The following ADGRE5 variants were observed in gnomAD, a reference collection of about 807,000 sequenced individuals.
ADGRE5 encodes CD97 molecule.
In ADGRE5, 72 loss-of-function variants were observed where a neutral mutation model predicts 100.3. That is an observed-to-expected ratio of 0.72 (90% CI 0.59 to 0.87). ADGRE5 has a LOEUF of 0.87. Ranked by LOEUF, ADGRE5 falls within the 40% of genes least tolerant of loss-of-function variation. The pLI is 0.00. For missense variants in ADGRE5, 959 were observed against 1,094.7 expected (o/e 0.88, Z 1.75); for synonymous variants, 439 against 447.8 (o/e 0.98, Z 0.25).
rs144446999 is a variant in ADGRE5, at chr19:14,388,732, C to T, written c.104C>T (p.Ser35Leu). 8.0e-5 allele frequency: 129 copies of T among 1,613,856 alleles called. No homozygotes were observed. Among genetic ancestry groups the T allele is most frequent in the Admixed American group, 2.2e-4 (13 of 60,002 alleles). The change falls in exon 3 of 20, where the codon TCG becomes TTG. Residue 35 changes from serine (S) to leucine (L), a missense_variant. Physicochemically the swap from Ser to Leu is moderately radical, Grantham distance 145. Coordinates refer to ENST00000242786, the MANE Select transcript of ADGRE5 (RefSeq NM_078481.4). ...GCARWCPQNSSCVNATACRCN... is the reference protein window; with the variant it reads ...GCARWCPQNSLCVNATACRCN... ...GCCCGGTGGTGCCCTCAGAACTCCT[C>T]GTGTGTCAATGCCACCGCCTGTCGC...
At chr19:14,404,139 A>G (rs2146373326) in intron 12 of ADGRE5, among the ~76,000 whole-genome samples, 1 of 152,078 alleles carries the variant, frequency 6.6e-6, no homozygotes, top group East Asian at 1.9e-4. Flanking sequence ...TCAGCCTCCC[A>G]AAGTGCTGGG....
In ADGRE5 at chr19:14,402,724, C is replaced by G. The variant is rs1162836481; in HGVS notation, c.1311C>G (p.Val437=). 1 of 1,614,054 alleles carries G rather than the reference C, an allele frequency of 6.2e-7. No homozygotes were observed. Among genetic ancestry groups the G allele is most frequent in the Non-Finnish European group, 8.5e-7 (1 of 1,180,034 alleles). Residue 437 remains valine (V), a synonymous_variant, in exon 12 of 20, where the codon GTC becomes GTG. Coordinates refer to ENST00000242786, the MANE Select transcript of ADGRE5 (RefSeq NM_078481.4). ...TATATGAAAGCAGCATCCGTGGTGT[C>G]CAACTCAGACGCCTCTCTGCCGTCA... The part of the protein sequence containing the change: ...EEIYESSIRG[V]QLRRLSAVNS...
At chr19:14,390,102 G>A (rs1975544068) in intron 3 of ADGRE5, among the ~76,000 whole-genome samples, 1 of 132,928 alleles carries the variant, frequency 7.5e-6, no homozygotes, top group African/African-American at 2.8e-5. Flanking sequence ...AAAAGAACAA[G>A]AGAGAGAGGG....
intron 3 of ADGRE5, among the ~76,000 whole-genome samples, chr19:14,390,007 C>T (rs576749462): frequency 2.7e-5 from 4 of 150,432 alleles, no homozygotes; most frequent in South Asian, 2.1e-4. Context: ...ACCCGGGAGG[C>T]GGAAGTTGCA....
At chr19:14,395,334 G>C (rs894586211) in intron 4 of ADGRE5, among the ~76,000 whole-genome samples, 1 of 151,308 alleles carries the variant, frequency 6.6e-6, no homozygotes, top group Non-Finnish European at 1.5e-5. Flanking sequence ...AACGCACTCA[G>C]AGGGTTGGAT....
intron 1 of ADGRE5, among the ~76,000 whole-genome samples, chr19:14,385,010 CTTTTTTTTT>C (rs56960989): frequency 1.5e-5 from 1 of 68,684 alleles, no homozygotes; most frequent in Non-Finnish European, 2.6e-5. Context: ...GACTCTTGCT[CTTTTTTTTT>C]TTTTTTTTTT....
Position 14,406,515 on chromosome 19 carries a change from T to C in ADGRE5, c.2006T>C (p.Val669Ala), listed in dbSNP as rs1366620919. ...GYGVPLLIVGVSAAIYSKGYG... is the reference protein window; with the variant it reads ...GYGVPLLIVGASAAIYSKGYG... ...GGCGTGCCCCTGCTCATCGTGGGCG[T>C]CTCGGCTGCCATCTACAGCAAGGGC... Residue 669 changes from valine (V) to alanine (A), a missense_variant, in exon 15 of 20, where the codon GTC (valine) becomes GCC (alanine). Physicochemically the swap from Val to Ala is moderately conservative, Grantham distance 64. Transcript: ENST00000242786. The surrounding 1 kb of genome is among the most constrained non-coding windows in gnomAD (Gnocchi z 6.0). 1 of 1,568,518 alleles carries C rather than the reference T, an allele frequency of 6.4e-7. No individual in the cohort carries two copies. The highest frequency in any genetic ancestry group is 2.4e-5 in the East Asian group (1 of 42,304).
Position 14,391,197 on chromosome 19 carries a change from G to A in ADGRE5, c.346+118G>A, listed in dbSNP as rs1156386086. 3 of 1,320,828 alleles carry A rather than the reference G, an allele frequency of 2.3e-6. No homozygotes were observed. In the South Asian group the frequency reaches 4.0e-5, roughly 17 times the overall value. The allele number at this position is 1,320,828 out of a possible 1,614,324, so 81.8% of individuals were successfully genotyped here. The stretch of plus-strand genomic sequence containing the variant: ...TGTAGGGTCAGTGCCTGGCGTCTGA[G>A]ATGGGACAGGTGCACATGTACCTAC... On this transcript the variant is annotated intron_variant, in intron 4 of 19. Transcript: ENST00000242786.
intron 3 of ADGRE5, among the ~76,000 whole-genome samples, chr19:14,389,258 A>G (rs1353526357): frequency 2.0e-4 from 1 of 4,944 alleles, no homozygotes; most frequent in Non-Finnish European, 3.2e-4. Flanking sequence ...ATGGGGAGGG[A>G]GAGGGGGAGG....
rs568383810 is a variant in ADGRE5 at position 14,397,167 on chromosome 19, C to T, written c.569C>T (p.Pro190Leu). ...GGCAGCTATCAGTGCCGCTGCCGCC[C>T]GGGCTGGCAACCGATTCCGGGGTCC... The part of the protein sequence containing the change: ...NVGSYQCRCR[P>L]GWQPIPGSPN... Residue 190 changes from proline (P) to leucine (L), a missense_variant, in exon 6 of 20, where the codon CCG becomes CTG. Around this residue, in one of 6 missense-constraint regions of ADGRE5, gnomAD observed 83 missense variants for 88.8 expected, o/e 0.93. Transcript: ENST00000242786. 2.3e-5 allele frequency: 37 copies of T among 1,613,994 alleles called. No homozygotes were observed. Among genetic ancestry groups the T allele is most frequent in the East Asian group, 1.1e-4 (5 of 44,888 alleles).
chr19:14,396,846 CT>C (rs1353999686), intron 5 of ADGRE5, among the ~76,000 whole-genome samples: 1 of 152,180 alleles, frequency 6.6e-6, no homozygotes, highest in African/African-American at 2.4e-5. Flanking sequence ...CTCAGTTTCC[CT>C]TTTGGTTTCA....
chr19:14,392,898 A>C (rs1278767007), intron 4 of ADGRE5, among the ~76,000 whole-genome samples: 1 of 144,332 alleles, frequency 6.9e-6, no homozygotes, highest in Admixed American at 7.0e-5. Context: ...GCGAGACTCC[A>C]TTTCAAAAAA....
Position 14,406,255 on chromosome 19 carries a change from G to C in ADGRE5, c.1822-76G>C, listed in dbSNP as rs903330410. ...GTGGTCCCGCCCACTCTCGGGACCT[G>C]GCAGGCGACTGGCTCTGGCGCCGCA... On this transcript the variant is annotated intron_variant, in intron 14 of 19. Coordinates refer to ENST00000242786, the MANE Select transcript of ADGRE5 (RefSeq NM_078481.4). This position sits in a 1 kb window ranked among gnomAD's most constrained non-coding sequence, Gnocchi z 6.0. 5.5e-5 allele frequency: 66 copies of C among 1,196,632 alleles called. No individual in the cohort carries two copies. In the Admixed American group the frequency reaches 1.5e-3, roughly 27 times the overall value. The allele number at this position is 1,196,632 out of a possible 1,614,324, so 74.1% of individuals were successfully genotyped here.
chr19:14,387,757 C>A (rs1225891000), intron 1 of ADGRE5, among the ~76,000 whole-genome samples: 1 of 150,992 alleles, frequency 6.6e-6, no homozygotes, highest in Non-Finnish European at 1.5e-5. Context: ...AATTTTTTGG[C>A]CTGGCATGAT....
At chr19:14,382,228 A>C (rs554765560) in intron 1 of ADGRE5, among the ~76,000 whole-genome samples, 52 of 152,264 alleles carry the variant, frequency 3.4e-4, no homozygotes, top group African/African-American at 1.2e-3. Context: ...TGGGGCAAAA[A>C]CCAGAACTTC....
In ADGRE5 at chr19:14,406,679, G is replaced by A; in HGVS notation, c.2049-21G>A. 1 of 1,613,754 alleles carries A rather than the reference G, an allele frequency of 6.2e-7. No individual in the cohort carries two copies. The highest frequency in any genetic ancestry group is 8.5e-7 in the Non-Finnish European group (1 of 1,179,688). ...TCCTGGCTTCCTGGGGCACTGATGGGACCCCTCCCTTCCCTCCTAGCTGCT... is the reference window on the plus strand; with the variant it reads ...TCCTGGCTTCCTGGGGCACTGATGGAACCCCTCCCTTCCCTCCTAGCTGCT... On this transcript the variant is annotated intron_variant, in intron 15 of 19. Transcript: ENST00000242786. The surrounding 1 kb of genome is among the most constrained non-coding windows in gnomAD (Gnocchi z 6.0).
At chr19:14,394,430 G>A (rs1975704290) in intron 4 of ADGRE5, among the ~76,000 whole-genome samples, 1 of 152,024 alleles carries the variant, frequency 6.6e-6, no homozygotes, top group Non-Finnish European at 1.5e-5. Flanking sequence ...TCACCCCCCT[G>A]TCTCCAGGCA....
At position 14,408,258 on chromosome 19, in the gene ADGRE5, G is replaced by A; in HGVS notation, c.*137G>A. 1.0e-6 allele frequency: 1 copy of A among 1,004,794 alleles called. No homozygotes were observed. Among genetic ancestry groups the A allele is most frequent in the Non-Finnish European group, 1.5e-6 (1 of 658,340 alleles). The allele number at this position is 1,004,794 out of a possible 1,614,324, so 62.2% of individuals were successfully genotyped here. Reference sequence around the variant, plus strand: ...TGATCCCGTGTGCCACCAGGAGGGAGTGGCAGCTATAGTCTGGCACCAAAG... The same window carrying A: ...TGATCCCGTGTGCCACCAGGAGGGAATGGCAGCTATAGTCTGGCACCAAAG... On this transcript the variant is annotated 3_prime_UTR_variant, in exon 20 of 20. Coordinates refer to ENST00000242786, the MANE Select transcript of ADGRE5 (RefSeq NM_078481.4).
Position 14,408,254 on chromosome 19 carries a change from G to A in ADGRE5, c.*133G>A, listed in dbSNP as rs922056847. 7 of 1,026,080 alleles carry A rather than the reference G, an allele frequency of 6.8e-6. No homozygotes were observed. In the South Asian group the frequency reaches 9.6e-5, roughly 14 times the overall value. 63.6% of individuals were successfully genotyped at this position (1,026,080 alleles called of 1,614,324 possible). A position where few individuals can be genotyped will look rare whatever the true frequency, so the allele number is the denominator to read the frequency against. ...TCCCTGATCCCGTGTGCCACCAGGA[G>A]GGAGTGGCAGCTATAGTCTGGCACC... On this transcript the variant is annotated 3_prime_UTR_variant, in exon 20 of 20. Transcript: ENST00000242786.
Sources: allele counts gnomAD v4.1 joint callset (sites outside exome capture counted in the v4.1 genomes callset), GRCh38; gene constraint gnomAD v4.1.1; regional missense constraint gnomAD v4.1.1; non-coding constraint Gnocchi (gnomAD v3.1); transcripts MANE v1.5; gene names NCBI Gene and HGNC (gene_info 2026-07-23, HGNC 2026-07-21).